The following DCP1B variants were observed in gnomAD, a reference collection of about 807,000 sequenced individuals.
The protein encoded by DCP1B is mRNA-decapping enzyme 1B.
In DCP1B, 47 loss-of-function variants were observed where a neutral mutation model predicts 60.5. The ratio of observed to expected loss-of-function variants is 0.78; its 90% CI spans 0.61 to 0.99. DCP1B has a LOEUF of 0.99. DCP1B is among the 50% of genes least tolerant of loss of function. The pLI is 0.00. For missense variants in DCP1B, 725 were observed against 756.8 expected, an observed-to-expected ratio of 0.96 and a Z score of 0.49; for synonymous variants, 267 against 280.3, an observed-to-expected ratio of 0.95 and a Z score of 0.47.
chr12:1,960,363 C>G (rs1218518561), intron 5 of DCP1B, among the ~76,000 whole-genome samples: 3 of 152,170 alleles, frequency 2.0e-5, no homozygotes, highest in African/African-American at 7.2e-5. Flanking sequence ...GCACAGTAGG[C>G]TGGTAGTTGC....
At chr12:1,959,528 C>A (rs937062702) in intron 5 of DCP1B, among the ~76,000 whole-genome samples, 2 of 152,004 alleles carry the variant, frequency 1.3e-5, no homozygotes, top group Admixed American at 6.5e-5. Context: ...AAATTAAAAC[C>A]ACAGTGAAAT....
At chr12:1,980,914 C>G (rs1388144523) in intron 3 of DCP1B, among the ~76,000 whole-genome samples, 1 of 151,832 alleles carries the variant, frequency 6.6e-6, no homozygotes, top group Non-Finnish European at 1.5e-5. Flanking sequence ...CACAATATCT[C>G]AATAAGCATA....
At chr12:1,970,412 A>G (rs554633911) in intron 3 of DCP1B, among the ~76,000 whole-genome samples, 5 of 143,670 alleles carry the variant, frequency 3.5e-5, no homozygotes, top group Admixed American at 6.9e-5. Flanking sequence ...GCCAAAGGGG[A>G]AAAAAAAACC....
intron 3 of DCP1B, among the ~76,000 whole-genome samples, chr12:1,969,383 CTT>C (rs1243945788): frequency 6.6e-6 from 1 of 152,054 alleles, no homozygotes; most frequent in Non-Finnish European, 1.5e-5. Context: ...GGGCTTTAAA[CTT>C]TGGTTTTGCA....
Position 1,991,211 on chromosome 12 carries a change from C to T in DCP1B, c.319+2053G>A, listed in dbSNP as rs1565848252. 3 of 456,062 alleles carry T rather than the reference C, an allele frequency of 6.6e-6. 1 individual carries two copies. The highest frequency in any genetic ancestry group is 4.6e-5 in the South Asian group (3 of 64,532). The allele number at this position is 456,062 out of a possible 1,614,324, so 28.3% of individuals were successfully genotyped here. On this transcript the variant is annotated intron_variant, in intron 3 of 8. Coordinates refer to ENST00000280665, the MANE Select transcript of DCP1B (RefSeq NM_152640.5). ...AAATCAGAATCTGTGGGTTTTTACA[C>T]AGTCTGCCTCCTCACTGGAGTCTCA...
At chr12:1,973,671 C>T (rs184920913) in intron 3 of DCP1B, among the ~76,000 whole-genome samples, 5 of 152,264 alleles carry the variant, frequency 3.3e-5, no homozygotes, top group East Asian at 3.9e-4. Context: ...TCATCGTATA[C>T]TAATTTCCTA....
rs2030572990 is a variant in DCP1B, at chr12:1,949,392, G to A, written c.1525-58C>T. 21 of 1,591,184 alleles carry A rather than the reference G, an allele frequency of 1.3e-5. No homozygotes were observed. The South Asian group carries it at 2.3e-4, about 18-fold the overall frequency. On this transcript the variant is annotated intron_variant, in intron 7 of 8. Coordinates refer to ENST00000280665, the MANE Select transcript of DCP1B (RefSeq NM_152640.5). ...TTCAGGAGCAGCTCACGGCATGATA[G>A]CTTGCAGCGGCAGATACGGGTGGTC...
rs149783098 is a variant in DCP1B at position 1,952,574 on chromosome 12, G to A, written c.1366C>T (p.Leu456Phe). 86 of 1,614,078 alleles carry A rather than the reference G, an allele frequency of 5.3e-5. No individual in the cohort carries two copies. Among genetic ancestry groups the A allele is most frequent in the Non-Finnish European group, 6.8e-5 (80 of 1,180,034 alleles). Residue 456 changes from leucine to phenylalanine, a missense_variant, in exon 7 of 9, where the codon CTT becomes TTT. Coordinates refer to ENST00000280665, the MANE Select transcript of DCP1B (RefSeq NM_152640.5). ...TGCTGCTCCTGCTGTACAATCTGAA[G>A]CTTCTTCAGTAACTCTTGAGGGGAG... Reference protein sequence around the residue: ...VISPQELLKKLQIVQQEQQLH... With the variant: ...VISPQELLKKFQIVQQEQQLH...
chr12:1,953,098 C>T lies in DCP1B; in HGVS notation c.842G>A (p.Arg281Lys). The T allele has an allele frequency of 1.2e-6, 2 of 1,614,088 alleles. No individual in the cohort carries two copies. The highest frequency in any genetic ancestry group is 1.7e-6 in the Non-Finnish European group (2 of 1,180,018). The part of the protein sequence containing the change: ...VRSLSYEEPR[R>K]HSPPIEKQLC... ...CTGCTTCTCAATGGGGGGTGAGTGT[C>T]TTCTGGGTTCCTCATAGGACAGGGA... Residue 281 changes from arginine (R) to lysine (K), a missense_variant, in exon 7 of 9, where the codon AGA (arginine) becomes AAA (lysine). Arg to Lys is a conservative substitution (Grantham distance 26, BLOSUM62 2). Coordinates refer to ENST00000280665, the MANE Select transcript of DCP1B (RefSeq NM_152640.5).
At chr12:1,981,846 A>C (rs35619203) in intron 3 of DCP1B, among the ~76,000 whole-genome samples, 18,829 of 152,242 alleles carry the variant, frequency 0.12, 1,438 homozygotes, top group Admixed American at 0.19. Context: ...GAGATTGGTC[A>C]GAATGAGGGA....
chr12:1,954,189 A>T (rs1417988803), intron 6 of DCP1B, among the ~76,000 whole-genome samples: 2 of 152,126 alleles, frequency 1.3e-5, no homozygotes, highest in African/African-American at 2.4e-5. Flanking sequence ...CTCAAAAAAA[A>T]AAATAAAAGA....
At chr12:1,955,607 T>C (rs772684909) in intron 5 of DCP1B, 47 bp from the exon 6 acceptor site, 3 of 1,570,428 alleles carry the variant, frequency 1.9e-6, no homozygotes, top group Non-Finnish European at 2.6e-6. Flanking sequence ...AGAAAAGCTT[T>C]AGTCTTTTTA....
rs1195846671 is a variant in DCP1B at position 1,977,550 on chromosome 12, A to G, written c.320-9640T>C. 2.0e-5 allele frequency among the ~76,000 whole-genome samples: 3 copies of G among 152,216 alleles called. No individual in the cohort carries two copies. The South Asian group carries it at 6.2e-4, about 32-fold the overall frequency. On this transcript the variant is annotated intron_variant, in intron 3 of 8. Transcript: ENST00000280665. ...GCGAATTTTGTTAAGTACACTGTAC[A>G]TGTCTATTTCTTATCTAAATCTGTT...
intron 3 of DCP1B, among the ~76,000 whole-genome samples, chr12:1,968,400 T>A (rs1256647135): frequency 6.7e-6 from 1 of 148,710 alleles, no homozygotes; most frequent in Non-Finnish European, 1.5e-5. Flanking sequence ...GAGAAATCCG[T>A]GGTGGTTTTG....
At chr12:1,972,918 A>ATG (rs2032956225) in intron 3 of DCP1B, among the ~76,000 whole-genome samples, 2 of 152,188 alleles carry the variant, frequency 1.3e-5, no homozygotes, top group South Asian at 2.1e-4. Flanking sequence ...CACAGCAGTA[A>ATG]ACACTCGAGC....
chr12:1,984,561 T>C lies in DCP1B; in HGVS notation c.319+8703A>G, dbSNP rs764181892. On this transcript the variant is annotated intron_variant, in intron 3 of 8. Coordinates refer to ENST00000280665, the MANE Select transcript of DCP1B (RefSeq NM_152640.5). ...TCACATGTATCACATCCGTATACAC[T>C]GAACCTCCTTCCTGACAATGTTATA... Among the ~76,000 whole-genome samples the C allele has an allele frequency of 1.8e-4, 27 of 152,080 alleles. 1 individual carries two copies. The highest frequency in any genetic ancestry group is 3.2e-4 in the Non-Finnish European group (22 of 67,950).
chr12:1,962,254 A>G lies in DCP1B; in HGVS notation c.522+3304T>C, dbSNP rs2031152460. Among the ~76,000 whole-genome samples, 1 of 152,184 alleles carries G rather than the reference A, an allele frequency of 6.6e-6. No homozygotes were observed. Among genetic ancestry groups the G allele is most frequent in the South Asian group, 2.1e-4 (1 of 4,828 alleles). On this transcript the variant is annotated intron_variant, in intron 5 of 8. Transcript: ENST00000280665. This position sits in a 1 kb window ranked among gnomAD's most constrained non-coding sequence, Gnocchi z 4.4. ...TTGTACAGGCCAGAGACGAGGAGAT[A>G]CGTATGGCTCAGGATTGGTTAGTGT...
Position 1,953,099 on chromosome 12 carries a change from T to C in DCP1B, c.841A>G (p.Arg281Gly). 1 of 1,614,052 alleles carries C rather than the reference T, an allele frequency of 6.2e-7. No individual in the cohort carries two copies. The highest frequency in any genetic ancestry group is 8.5e-7 in the Non-Finnish European group (1 of 1,180,016). ...VRSLSYEEPR[R>G]HSPPIEKQLC... The stretch of plus-strand genomic sequence containing the variant: ...TGCTTCTCAATGGGGGGTGAGTGTC[T>C]TCTGGGTTCCTCATAGGACAGGGAG... Residue 281 changes from arginine to glycine, a missense_variant, in exon 7 of 9, where the codon AGA (arginine) becomes GGA (glycine). By Grantham distance (125) the Arg-to-Gly change is moderately radical. Transcript: ENST00000280665.
chr12:1,992,800 T>C, intron 3 of DCP1B: 1 of 239,384 alleles, frequency 4.2e-6, no homozygotes, highest in Non-Finnish European at 8.1e-6. Flanking sequence ...TTTATTTACT[T>C]GTATTCAGAA....
Sources: gnomAD v4.1 joint callset for allele counts (sites outside exome capture counted in the v4.1 genomes callset) on GRCh38, gnomAD v4.1.1 for gene constraint, Gnocchi (gnomAD v3.1) non-coding constraint, MANE v1.5 for transcripts, NCBI Gene and HGNC (gene_info 2026-07-23, HGNC 2026-07-21) for gene names.